PROSER2: variants seen among roughly 807,000 people sequenced by gnomAD.
The protein encoded by PROSER2 is proline and serine rich 2, also known as proline and serine-rich protein 2.
Under a neutral mutation model 14.6 loss-of-function variants are expected in PROSER2, and 18 were observed. The ratio of observed to expected loss-of-function variants is 1.23; its 90% CI spans 0.85 to 1.83. PROSER2 has a LOEUF of 1.83. Among genes scored for constraint, PROSER2 ranks in the 40% most tolerant of loss-of-function variants. PROSER2 has a pLI of 0.00. For synonymous variants in PROSER2, 367 were observed against 286.4 expected, an observed-to-expected ratio of 1.28 and a Z score of -2.84; for missense variants, 823 against 629.8, an observed-to-expected ratio of 1.31 and a Z score of -3.28.
In PROSER2 at chr10:11,859,247, C is replaced by A. The variant is rs185027599; in HGVS notation, c.138+7032C>A. Among the ~76,000 whole-genome samples, 47 of 152,020 alleles carry A rather than the reference C, an allele frequency of 3.1e-4. 2 individuals are homozygous for A. In the South Asian group the frequency reaches 9.4e-3, roughly 30 times the overall value. On this transcript the variant is annotated intron_variant, in intron 2 of 3. Coordinates refer to ENST00000277570, the MANE Select transcript of PROSER2 (RefSeq NM_153256.4). Reference sequence around the variant, plus strand: ...GACCAGCTTGGCCAAAACGCTGAAACCCCATCTCTGCTAAAAATACCAAAA... The same window carrying A: ...GACCAGCTTGGCCAAAACGCTGAAAACCCATCTCTGCTAAAAATACCAAAA...
In PROSER2 at chr10:11,844,147, G is replaced by T. The variant is rs904118097; in HGVS notation, c.-81-7850G>T. 1.3e-5 allele frequency among the ~76,000 whole-genome samples: 2 copies of T among 152,012 alleles called. 1 individual carries two copies. Among genetic ancestry groups the T allele is most frequent in the East Asian group, 3.9e-4 (2 of 5,160 alleles). ...GCTAGGACTATAGGCATGTCCTGCC[G>T]TGCCTGGCTATTTTTTAAATTTCTT... On this transcript the variant is annotated intron_variant, in intron 1 of 3. Transcript: ENST00000277570.
At chr10:11,827,299 A>C (rs1396659360) in intron 1 of PROSER2, among the ~76,000 whole-genome samples, 1 of 151,970 alleles carries the variant, frequency 6.6e-6, no homozygotes, top group African/African-American at 2.4e-5. Flanking sequence ...ATCTCTTCAG[A>C]TGCTTGTTGG....
intron 3 of PROSER2, among the ~76,000 whole-genome samples, chr10:11,867,431 A>C (rs192724275): frequency 1.5e-3 from 229 of 152,272 alleles, no homozygotes; most frequent in African/African-American, 5.2e-3. Context: ...CCAGGAGTTC[A>C]AGACCAGCCT....
intron 2 of PROSER2, among the ~76,000 whole-genome samples, chr10:11,860,251 C>T (rs751923668): frequency 6.6e-6 from 1 of 152,126 alleles, no homozygotes; most frequent in Non-Finnish European, 1.5e-5. Flanking sequence ...TAGAGGGGCT[C>T]GGGTAGGTTG....
rs745580595 is a variant in PROSER2, at chr10:11,852,051, C to G, written c.-27C>G. On this transcript the variant is annotated 5_prime_UTR_variant, in exon 2 of 4. The change creates a new upstream start codon in the 5' untranslated region. Coordinates refer to ENST00000277570, the MANE Select transcript of PROSER2 (RefSeq NM_153256.4). ...TGGCTCCTGCCCTGCTTCCTGTGAT[C>G]GAGCCGGCCCTGAGGACTCTGTGGA... The G allele has an allele frequency of 1.9e-6, 3 of 1,570,362 alleles. No homozygotes were observed. The highest frequency in any genetic ancestry group is 2.7e-5 in the African/African-American group (2 of 73,562).
chr10:11,826,078 T>G (rs746254724), intron 1 of PROSER2, among the ~76,000 whole-genome samples: 1 of 152,116 alleles, frequency 6.6e-6, no homozygotes, highest in Non-Finnish European at 1.5e-5. Flanking sequence ...TCCTTCTGTC[T>G]CGGTAGACTT....
In PROSER2 at chr10:11,870,472, C is replaced by T. The variant is rs963732101; in HGVS notation, c.*66C>T. ...TGAAGAGAGGGTGAAAGAGTCGCTGCACCCAGGAGCTGTTTGGTCTAAAAT... is the reference window on the plus strand; with the variant it reads ...TGAAGAGAGGGTGAAAGAGTCGCTGTACCCAGGAGCTGTTTGGTCTAAAAT... On this transcript the variant is annotated 3_prime_UTR_variant, in exon 4 of 4. Transcript: ENST00000277570. The T allele has an allele frequency of 7.8e-6, 10 of 1,277,106 alleles. No homozygotes were observed. The highest frequency in any genetic ancestry group is 1.0e-5 in the Non-Finnish European group (10 of 970,258). 79.1% of individuals were successfully genotyped at this position (1,277,106 alleles called of 1,614,324 possible).
At chr10:11,843,252 C>T (rs28488147) in intron 1 of PROSER2, among the ~76,000 whole-genome samples, 150,565 of 150,594 alleles carry the variant, frequency 1, 75,268 homozygotes, top group Non-Finnish European at 1. Context: ...GCCATTGTTC[C>T]TGAAAGAATA....
intron 2 of PROSER2, among the ~76,000 whole-genome samples, chr10:11,853,098 T>G (rs11593377): frequency 2.6e-5 from 4 of 151,898 alleles, no homozygotes; most frequent in Non-Finnish European, 5.9e-5. Context: ...CTAGGAACCA[T>G]TGGGGGCACC....
Position 11,836,632 on chromosome 10 carries a change from G to T in PROSER2, c.-82+13162G>T, listed in dbSNP as rs889017529. Among the ~76,000 whole-genome samples the T allele has an allele frequency of 6.6e-6, 1 of 152,150 alleles. No individual in the cohort carries two copies. The highest frequency in any genetic ancestry group is 2.4e-5 in the African/African-American group (1 of 41,408). ...GTGTGCACTTTGACCCTGCTGTAGT[G>T]TGTAAGTATGCTCACTGACCTCTGC... On this transcript the variant is annotated intron_variant, in intron 1 of 3. Transcript: ENST00000277570. This position sits in a 1 kb window ranked among gnomAD's most constrained non-coding sequence, Gnocchi z 4.6.
In PROSER2 at chr10:11,870,171, C is replaced by G. The variant is rs1395810518; in HGVS notation, c.1073C>G (p.Ser358Cys). The part of the protein sequence containing the change: ...AHEALKSAPS[S>C]FAPAGKSLCF... ...GAGGCCCTGAAGAGCGCACCCAGCT[C>G]CTTCGCGCCCGCTGGGAAGTCCCTC... Residue 358 changes from serine (S) to cysteine (C), a missense_variant, in exon 4 of 4, where the codon TCC becomes TGC. By Grantham distance (112) the Ser-to-Cys change is moderately radical (BLOSUM62 -1). Transcript: ENST00000277570. The G allele has an allele frequency of 1.4e-6, 2 of 1,479,986 alleles. No individual in the cohort carries two copies. The highest frequency in any genetic ancestry group is 1.8e-6 in the Non-Finnish European group (2 of 1,122,346). The allele number at this position is 1,479,986 out of a possible 1,614,324, so 91.7% of individuals were successfully genotyped here.
intron 2 of PROSER2, among the ~76,000 whole-genome samples, chr10:11,858,357 A>G (rs1351445886): frequency 6.6e-6 from 1 of 152,216 alleles, no homozygotes; most frequent in Non-Finnish European, 1.5e-5. Flanking sequence ...AGCAATAGCT[A>G]GGACTTCTCG....
chr10:11,832,982 A>C (rs1833707743), intron 1 of PROSER2, among the ~76,000 whole-genome samples: 1 of 152,064 alleles, frequency 6.6e-6, no homozygotes, highest in Non-Finnish European at 1.5e-5. Flanking sequence ...AGCTGGGATT[A>C]CAGGCACACG....
At position 11,862,002 on chromosome 10, in the gene PROSER2, G is replaced by C. The variant is rs1159986216; in HGVS notation, c.139-4529G>C. On this transcript the variant is annotated intron_variant, in intron 2 of 3. Transcript: ENST00000277570. This position sits in a 1 kb window ranked among gnomAD's most constrained non-coding sequence, Gnocchi z 4.2. The stretch of plus-strand genomic sequence containing the variant: ...TGTCAGCGCATCAGACTCCCTGGAG[G>C]CTGCGTCCAACACAGACTGACAGGC... Among the ~76,000 whole-genome samples, 2 of 152,232 alleles carry C rather than the reference G, an allele frequency of 1.3e-5. No homozygotes were observed. Among genetic ancestry groups the C allele is most frequent in the Non-Finnish European group, 2.9e-5 (2 of 68,028 alleles).
intron 1 of PROSER2, among the ~76,000 whole-genome samples, chr10:11,839,171 T>G (rs1475164876): frequency 6.6e-6 from 1 of 152,172 alleles, no homozygotes; most frequent in Non-Finnish European, 1.5e-5. Context: ...CGGATAACCT[T>G]CTTGGCTTGA....
intron 1 of PROSER2, among the ~76,000 whole-genome samples, chr10:11,832,228 C>A (rs564106528): frequency 2.0e-5 from 3 of 152,300 alleles, no homozygotes; most frequent in Admixed American, 1.3e-4. Flanking sequence ...CCCACACTCC[C>A]AGCAGCCAAC....
In PROSER2 at chr10:11,870,708, T is replaced by C. The variant is rs1297614112; in HGVS notation, c.*302T>C. Reference sequence around the variant, plus strand: ...TAGACCCATAGGTTTCCGTGATGTGTAAATGCCATCTTTTGGGGGTTGGGA... The same window carrying C: ...TAGACCCATAGGTTTCCGTGATGTGCAAATGCCATCTTTTGGGGGTTGGGA... On this transcript the variant is annotated 3_prime_UTR_variant, in exon 4 of 4. Transcript: ENST00000277570. 1 of 301,954 alleles carries C rather than the reference T, an allele frequency of 3.3e-6. No homozygotes were observed. Among genetic ancestry groups the C allele is most frequent in the African/African-American group, 2.2e-5 (1 of 45,504 alleles). The allele number at this position is 301,954 out of a possible 1,614,324, so 18.7% of individuals were successfully genotyped here.
At position 11,866,991 on chromosome 10, in the gene PROSER2, G is replaced by A. The variant is rs188262099; in HGVS notation, c.391+208G>A. 2.7e-3 allele frequency among the ~76,000 whole-genome samples: 408 copies of A among 152,292 alleles called. 2 individuals carry two copies. Among genetic ancestry groups the A allele is most frequent in the African/African-American group, 8.7e-3 (362 of 41,546 alleles). The stretch of plus-strand genomic sequence containing the variant: ...GAATAAAGAATGGAATGGGCCAGGC[G>A]CGGTGGCTCAAGCCTGTAATCCCAG... On this transcript the variant is annotated intron_variant, in intron 3 of 3. Coordinates refer to ENST00000277570, the MANE Select transcript of PROSER2 (RefSeq NM_153256.4). The surrounding 1 kb of genome is among the most constrained non-coding windows in gnomAD (Gnocchi z 6.0).
intron 1 of PROSER2, among the ~76,000 whole-genome samples, chr10:11,829,568 C>T (rs181488774): frequency 2.6e-5 from 4 of 151,460 alleles, no homozygotes; most frequent in Non-Finnish European, 5.9e-5. Flanking sequence ...TAAGACAGAG[C>T]GAGACCCTGT....
Sources: allele counts gnomAD v4.1 joint callset (sites outside exome capture counted in the v4.1 genomes callset), GRCh38; gene constraint gnomAD v4.1.1; non-coding constraint Gnocchi (gnomAD v3.1); transcripts MANE v1.5; gene names NCBI Gene and HGNC (gene_info 2026-07-23, HGNC 2026-07-21).